The following GMDS variants were observed in gnomAD, a reference collection of about 807,000 sequenced individuals.
GMDS encodes the protein GDP-mannose 4,6 dehydratase.
GMDS carries 20 observed loss-of-function variants against 49.9 expected under a neutral mutation model. The observed-to-expected ratio is 0.40, with a 90% CI of 0.28 to 0.58. The LOEUF (loss-of-function observed/expected upper bound fraction) is 0.58, where lower values mean the gene tolerates loss of function less well. Among genes scored for constraint, GMDS ranks in the 20% least tolerant of loss-of-function variants. The pLI is 0.42. For missense variants in GMDS, 362 were observed against 481.4 expected (o/e 0.75, Z 2.32); for synonymous variants, 177 against 178.6 (o/e 0.99, Z 0.07).
intron 7 of GMDS, among the ~76,000 whole-genome samples, chr6:1,882,271 G>A (rs527264510): frequency 2.0e-5 from 3 of 152,208 alleles, no homozygotes; most frequent in Non-Finnish European, 4.4e-5. Context: ...TACTCTCAGT[G>A]TACTGCACCA....
intron 1 of GMDS, among the ~76,000 whole-genome samples, chr6:2,194,038 T>A (rs575726249): frequency 1.4e-4 from 21 of 150,792 alleles, no homozygotes; most frequent in Middle Eastern, 3.4e-3. Flanking sequence ...CTATTTTTTT[T>A]TAAAAAAAAA....
intron 9 of GMDS, among the ~76,000 whole-genome samples, chr6:1,693,581 T>TTTGTTG (rs963397925): frequency 6.6e-6 from 1 of 152,140 alleles, no homozygotes; most frequent in African/African-American, 2.4e-5. Context: ...TCCATATATT[T>TTTGTTG]TTGTTGTTGT....
intron 4 of GMDS, among the ~76,000 whole-genome samples, chr6:1,994,152 G>A (rs1189328443): frequency 6.6e-6 from 1 of 152,178 alleles, no homozygotes; most frequent in Non-Finnish European, 1.5e-5. Flanking sequence ...TTTGTACTTA[G>A]ATGTGGCTCC....
chr6:2,094,578 G>A (rs943484882), intron 4 of GMDS, among the ~76,000 whole-genome samples: 7 of 149,780 alleles, frequency 4.7e-5, no homozygotes, highest in South Asian at 4.3e-4. Flanking sequence ...TGGAAAAAAC[G>A]GAGCAGATTT....
chr6:2,079,907 C>G, intron 4 of GMDS, among the ~76,000 whole-genome samples: 1 of 152,082 alleles, frequency 6.6e-6, no homozygotes, highest in East Asian at 1.9e-4. Flanking sequence ...GTTTTCCAAT[C>G]CTTTTGTTCT....
At chr6:2,030,717 T>C (rs759391082) in intron 4 of GMDS, among the ~76,000 whole-genome samples, 63 of 152,156 alleles carry the variant, frequency 4.1e-4, no homozygotes, top group Non-Finnish European at 7.3e-4. Context: ...TGACAAACTA[T>C]GCATTGGCTC....
intron 4 of GMDS, among the ~76,000 whole-genome samples, chr6:2,108,688 A>T (rs190180471): frequency 6.6e-6 from 1 of 152,346 alleles, no homozygotes; most frequent in Non-Finnish European, 1.5e-5. Context: ...GAGGTCCGAT[A>T]TAAAGTATCA....
At chr6:2,238,985 CTT>C (rs1307374590) in intron 1 of GMDS, among the ~76,000 whole-genome samples, 1 of 152,094 alleles carries the variant, frequency 6.6e-6, no homozygotes, top group Non-Finnish European at 1.5e-5. Flanking sequence ...AGTTTACAAA[CTT>C]AATTTCAAAT....
intron 8 of GMDS, among the ~76,000 whole-genome samples, chr6:1,741,979 T>C (rs1000181743): frequency 6.6e-6 from 1 of 151,000 alleles, no homozygotes; most frequent in African/African-American, 2.4e-5. Flanking sequence ...TGGAGTGCAA[T>C]GGCATGATCT....
intron 1 of GMDS, among the ~76,000 whole-genome samples, chr6:2,232,213 A>T (rs1435761613): frequency 6.6e-6 from 1 of 151,662 alleles, no homozygotes; most frequent in Non-Finnish European, 1.5e-5. Context: ...TAAGATTCTT[A>T]CTTTCAAAAT....
intron 4 of GMDS, among the ~76,000 whole-genome samples, chr6:2,112,315 A>C (rs1467857934): frequency 6.6e-6 from 1 of 152,214 alleles, no homozygotes; most frequent in Non-Finnish European, 1.5e-5. Flanking sequence ...ACTAGTAAGT[A>C]ATAGGATTAT....
intron 4 of GMDS, among the ~76,000 whole-genome samples, chr6:1,975,036 T>TC (rs1554140521): frequency 1.3e-5 from 1 of 78,524 alleles, no homozygotes; most frequent in African/African-American, 5.9e-5. Flanking sequence ...AGACTCTGTC[T>TC]CAAAAAAAAA....
chr6:2,232,911 C>A (rs181322669), intron 1 of GMDS, among the ~76,000 whole-genome samples: 3 of 151,680 alleles, frequency 2.0e-5, no homozygotes, highest in Admixed American at 2.0e-4. Flanking sequence ...CCCACCATGA[C>A]GAAAAAAAAC....
chr6:1,775,423 A>ATGT (rs1768757927), intron 7 of GMDS, among the ~76,000 whole-genome samples: 1 of 152,224 alleles, frequency 6.6e-6, no homozygotes, highest in Admixed American at 6.5e-5. Flanking sequence ...CTCTATTAAT[A>ATGT]TGTTGATTCT....
rs1233829580 is a variant in GMDS at position 1,640,134 on chromosome 6, A to C, written c.988-15594T>G. Among the ~76,000 whole-genome samples, 1 of 152,164 alleles carries C rather than the reference A, an allele frequency of 6.6e-6. No individual in the cohort carries two copies. The highest frequency in any genetic ancestry group is 6.5e-5 in the Admixed American group (1 of 15,280). ...CCAGGGGATGCAGTTAGACCCCAGA[A>C]GGATGTACCAGTCCATGGCACCAGC... On this transcript the variant is annotated intron_variant, in intron 9 of 10. Transcript: ENST00000380815. The surrounding 1 kb of genome is among the most constrained non-coding windows in gnomAD (Gnocchi z 4.0).
In GMDS at chr6:1,742,594, G is replaced by C; in HGVS notation, c.772-8C>G. Reference sequence around the variant, plus strand: ...CAACATCAACCACATAGCCTAGAGGGAAAGAGAGGCAAGTTCACTTTGAAG... The same window carrying C: ...CAACATCAACCACATAGCCTAGAGGCAAAGAGAGGCAAGTTCACTTTGAAG... On this transcript the variant is annotated splice_region_variant and splice_polypyrimidine_tract_variant and intron_variant, in intron 7 of 10. Transcript: ENST00000380815. 1.4e-6 allele frequency: 2 copies of C among 1,481,214 alleles called. No homozygotes were observed. The highest frequency in any genetic ancestry group is 1.9e-6 in the Non-Finnish European group (2 of 1,061,932). The allele number at this position is 1,481,214 out of a possible 1,614,324, so 91.8% of individuals were successfully genotyped here.
Position 1,960,950 on chromosome 6 carries a change from G to A in GMDS, c.362C>T (p.Ala121Val), listed in dbSNP as rs1462367301. 9.1e-6 allele frequency: 14 copies of A among 1,539,832 alleles called. No individual in the cohort carries two copies. The highest frequency in any genetic ancestry group is 1.2e-5 in the Non-Finnish European group (14 of 1,126,872). ...QSHVKISFDL[A>V]EYTADVDGVG... The stretch of plus-strand genomic sequence containing the variant: ...TCCGTCAACGTCCGCAGTGTACTCA[G>A]CGAGGTCAAAGGAAATCTGGAAAAA... Residue 121 changes from alanine to valine, a missense_variant, in exon 5 of 11, where the codon GCT becomes GTT. Ala to Val is a moderately conservative substitution (Grantham distance 64). Transcript: ENST00000380815.
intron 1 of GMDS, among the ~76,000 whole-genome samples, chr6:2,162,415 CA>C (rs1777446776): frequency 6.6e-6 from 1 of 152,060 alleles, no homozygotes; most frequent in African/African-American, 2.4e-5. Context: ...TGGCTCAAAT[CA>C]AATAATAGAC....
At chr6:1,999,320 C>CAAA (rs61018439) in intron 4 of GMDS, among the ~76,000 whole-genome samples, 1 of 86,784 alleles carries the variant, frequency 1.2e-5, no homozygotes, top group Non-Finnish European at 2.3e-5. Flanking sequence ...GACTCTGTCT[C>CAAA]AAAAAAAAAA....
Sources: gnomAD v4.1 joint callset for allele counts (sites outside exome capture counted in the v4.1 genomes callset) on GRCh38, gnomAD v4.1.1 for gene constraint, Gnocchi (gnomAD v3.1) non-coding constraint, MANE v1.5 for transcripts, NCBI Gene and HGNC (gene_info 2026-07-23, HGNC 2026-07-21) for gene names.